ANK3: variants seen among roughly 807,000 people sequenced by gnomAD.
ANK3 encodes the protein ankyrin-3.
Under a neutral mutation model 370.9 loss-of-function variants are expected in ANK3, and 57 were observed. The ratio of observed to expected loss-of-function variants is 0.15; its 90% CI spans 0.12 to 0.19. The LOEUF (loss-of-function observed/expected upper bound fraction) is 0.19, where lower values mean the gene tolerates loss of function less well. Among genes scored for constraint, ANK3 ranks in the 10% least tolerant of loss-of-function variants. The pLI, the probability that ANK3 is intolerant of heterozygous loss-of-function variation, is 1.00. For missense variants in ANK3, 4,439 were observed against 5,302.1 expected, an observed-to-expected ratio of 0.84 and a Z score of 5.06; for synonymous variants, 1,929 against 1,946.3, an observed-to-expected ratio of 0.99 and a Z score of 0.23.
At chr10:60,310,885 C>T (rs757796545) in intron 1 of ANK3, among the ~76,000 whole-genome samples, 2 of 152,164 alleles carry the variant, frequency 1.3e-5, no homozygotes, top group Non-Finnish European at 2.9e-5. Flanking sequence ...TGGAGCAAGT[C>T]ACATCACGGT....
intron 2 of ANK3, among the ~76,000 whole-genome samples, chr10:60,540,390 A>C (rs2076819491): frequency 6.6e-6 from 1 of 151,918 alleles, no homozygotes; most frequent in African/African-American, 2.4e-5. Flanking sequence ...TTTTAAGCTC[A>C]TGGGATCCAT....
chr10:60,036,352 C>A (rs2074958009), intron 43 of ANK3, among the ~76,000 whole-genome samples: 1 of 149,134 alleles, frequency 6.7e-6, no homozygotes, highest in South Asian at 2.1e-4. Context: ...GTAGCAATAG[C>A]TGACGCTTAT....
intron 28 of ANK3, among the ~76,000 whole-genome samples, chr10:60,093,953 C>G (rs973872699): frequency 1.3e-5 from 2 of 152,076 alleles, no homozygotes; most frequent in African/African-American, 2.4e-5. Flanking sequence ...TCTTTTGACA[C>G]CATTAAAACT....
At chr10:60,032,526 T>C (rs2073928444) in intron 43 of ANK3, among the ~76,000 whole-genome samples, 2 of 152,036 alleles carry the variant, frequency 1.3e-5, no homozygotes, top group East Asian at 1.9e-4. Flanking sequence ...TAATTTTTAA[T>C]ATTTATGTAG....
At chr10:60,356,466 A>G (rs1458601165) in intron 1 of ANK3, among the ~76,000 whole-genome samples, 1 of 152,184 alleles carries the variant, frequency 6.6e-6, no homozygotes, top group Non-Finnish European at 1.5e-5. Context: ...GACCATTCCA[A>G]TTCCTCCCTT....
chr10:60,289,264 C>CT lies in ANK3; in HGVS notation c.115-9626dup, dbSNP rs34525147. 2.5e-3 allele frequency among the ~76,000 whole-genome samples: 337 copies of CT among 134,534 alleles called. 1 individual carries two copies. The highest frequency in any genetic ancestry group is 5.7e-3 in the East Asian group (26 of 4,548). The allele number at this position is 134,534 out of a possible 152,430, so 88.3% of individuals were successfully genotyped here. ...CGACCCTTTTTCATCTATGCCCTGC[C>CT]TTTTTTTTTTTTTTTTTTAAAGAGA... On this transcript the variant is annotated intron_variant, in intron 1 of 43. Coordinates refer to ENST00000280772, the MANE Select transcript of ANK3 (RefSeq NM_020987.5).
chr10:60,486,849 T>C (rs574668883), intron 2 of ANK3, among the ~76,000 whole-genome samples: 2 of 152,326 alleles, frequency 1.3e-5, no homozygotes, highest in African/African-American at 4.8e-5. Context: ...TTCTGTAGTA[T>C]ATACAGCAAT....
intron 8 of ANK3, among the ~76,000 whole-genome samples, chr10:60,233,188 C>A (rs897066258): frequency 6.6e-6 from 1 of 152,144 alleles, no homozygotes; most frequent in Non-Finnish European, 1.5e-5. Flanking sequence ...GCACAGTTTA[C>A]AAACATTATC....
intron 1 of ANK3, among the ~76,000 whole-genome samples, chr10:60,720,472 T>C (rs943118248): frequency 9.2e-5 from 14 of 152,280 alleles, no homozygotes; most frequent in African/African-American, 3.1e-4. Flanking sequence ...AAAATACTAT[T>C]AGGTTGGCGC....
chr10:60,347,054 G>T (rs1019937213), intron 1 of ANK3, among the ~76,000 whole-genome samples: 18 of 142,432 alleles, frequency 1.3e-4, no homozygotes, highest in African/African-American at 3.7e-4. Flanking sequence ...AGAAATATAT[G>T]ATATATATAT....
chr10:60,189,612 A>G (rs1338486427), intron 16 of ANK3, among the ~76,000 whole-genome samples: 1 of 152,198 alleles, frequency 6.6e-6, no homozygotes. Context: ...TGAATTTTCT[A>G]AATTTTCTAA....
chr10:60,140,643 T>G (rs2094521314), intron 23 of ANK3: 1 of 1,374,332 alleles, frequency 7.3e-7, no homozygotes, highest in East Asian at 2.7e-5. Context: ...GTTAAGATCC[T>G]TTTGACCACT....
intron 30 of ANK3, among the ~76,000 whole-genome samples, chr10:60,086,167 T>G (rs1467520862): frequency 6.6e-6 from 1 of 152,216 alleles, no homozygotes; most frequent in African/African-American, 2.4e-5. Flanking sequence ...TGTGTTCTTC[T>G]GAGCCCTGAA....
intron 1 of ANK3, among the ~76,000 whole-genome samples, chr10:60,664,504 T>G (rs924414108): frequency 6.6e-6 from 1 of 152,176 alleles, no homozygotes; most frequent in African/African-American, 2.4e-5. Flanking sequence ...ATGGTCCTAT[T>G]GTAAGCTTGT....
At chr10:60,116,953 G>T (rs188241647) in intron 25 of ANK3, among the ~76,000 whole-genome samples, 2 of 152,262 alleles carry the variant, frequency 1.3e-5, no homozygotes, top group East Asian at 1.9e-4. Context: ...CAAAGACAGG[G>T]TCTATAAACA....
chr10:60,096,829 A>G (rs1364636010), intron 28 of ANK3, among the ~76,000 whole-genome samples: 1 of 152,228 alleles, frequency 6.6e-6, no homozygotes, highest in Non-Finnish European at 1.5e-5. Flanking sequence ...AAATAACTCC[A>G]CAGCTACAGA....
chr10:60,400,827 G>A (rs2063338409), intron 2 of ANK3, among the ~76,000 whole-genome samples: 1 of 152,104 alleles, frequency 6.6e-6, no homozygotes, highest in Admixed American at 6.5e-5. Flanking sequence ...GTTAAGCCCA[G>A]CATGCATTAA....
intron 42 of ANK3, among the ~76,000 whole-genome samples, chr10:60,047,752 T>C (rs2077197898): frequency 6.6e-6 from 1 of 152,186 alleles, no homozygotes; most frequent in African/African-American, 2.4e-5. Context: ...TCACAATAGT[T>C]TGGTTGTGTG....
chr10:60,313,928 G>GTTT (rs760802914), intron 1 of ANK3, among the ~76,000 whole-genome samples: 27 of 132,114 alleles, frequency 2.0e-4, no homozygotes, highest in Non-Finnish European at 3.6e-4. Context: ...TTTTGTTTTT[G>GTTT]TTTTTTTTTT....
Sources: gnomAD v4.1 joint callset for allele counts (sites outside exome capture counted in the v4.1 genomes callset) on GRCh38, gnomAD v4.1.1 for gene constraint, MANE v1.5 for transcripts, NCBI Gene and HGNC (gene_info 2026-07-23, HGNC 2026-07-21) for gene names.